CWC27: variants seen among roughly 807,000 people sequenced by gnomAD.
The protein encoded by CWC27 is spliceosome-associated protein CWC27 homolog.
A neutral mutation model predicts 63.6 loss-of-function variants in CWC27; 47 were observed. That is an observed-to-expected ratio of 0.74 (90% confidence interval 0.58 to 0.94). The LOEUF is 0.94. Among genes scored for constraint, CWC27 ranks in the 40% least tolerant of loss-of-function variants. The pLI is 0.00. For synonymous variants in CWC27, 175 were observed against 179.8 expected (o/e 0.97, Z 0.22); for missense variants, 495 against 554.3 (o/e 0.89, Z 1.07).
chr5:65,000,865 G>T (rs1044584813), intron 13 of CWC27, among the ~76,000 whole-genome samples: 3 of 152,062 alleles, frequency 2.0e-5, no homozygotes, highest in African/African-American at 7.2e-5. Flanking sequence ...TATGAAGAAT[G>T]TCATTGGTAT....
chr5:64,966,491 C>G lies in CWC27; in HGVS notation c.1043-5212C>G, dbSNP rs554801373. On this transcript the variant is annotated intron_variant, in intron 11 of 13. Transcript: ENST00000381070. Reference sequence around the variant, plus strand: ...ACAGTATTTTATTTAATCCTCACAACAGCAAGTGAGGTAGATATTATCATC... The same window carrying G: ...ACAGTATTTTATTTAATCCTCACAAGAGCAAGTGAGGTAGATATTATCATC... Among the ~76,000 whole-genome samples, 4 of 152,236 alleles carry G rather than the reference C, an allele frequency of 2.6e-5. No individual in the cohort carries two copies. In the East Asian group the frequency reaches 7.7e-4, roughly 29 times the overall value.
At chr5:64,889,242 G>A (rs1747162285) in intron 11 of CWC27, among the ~76,000 whole-genome samples, 2 of 152,116 alleles carry the variant, frequency 1.3e-5, no homozygotes, top group South Asian at 4.1e-4. Context: ...GTGGAAAATG[G>A]TGAAATTCTG....
chr5:64,871,873 A>C (rs1390247695), intron 10 of CWC27, among the ~76,000 whole-genome samples: 1 of 152,138 alleles, frequency 6.6e-6, no homozygotes, highest in Non-Finnish European at 1.5e-5. Context: ...AGCACTGTTT[A>C]TCTAATTGCT....
chr5:64,797,415 A>C (rs1744313937), intron 7 of CWC27, among the ~76,000 whole-genome samples: 1 of 152,128 alleles, frequency 6.6e-6, no homozygotes, highest in Non-Finnish European at 1.5e-5. Context: ...TGCAGGATTC[A>C]GAGTCTACTG....
Position 64,866,218 on chromosome 5 carries a change from G to A in CWC27, c.939-19225G>A, listed in dbSNP as rs76280600. Among the ~76,000 whole-genome samples, 787 of 152,060 alleles carry A rather than the reference G, an allele frequency of 5.2e-3. 9 individuals are homozygous for A. The highest frequency in any genetic ancestry group is 0.018 in the African/African-American group (739 of 41,516). Reference sequence around the variant, plus strand: ...CATACTTTGCTGATATGATTTGAACGTATGATTCAGAAACCAAAGCTGGTG... The same window carrying A: ...CATACTTTGCTGATATGATTTGAACATATGATTCAGAAACCAAAGCTGGTG... On this transcript the variant is annotated intron_variant, in intron 10 of 13. Transcript: ENST00000381070.
chr5:64,996,793 T>A (rs779366432), intron 13 of CWC27, among the ~76,000 whole-genome samples: 1 of 152,188 alleles, frequency 6.6e-6, no homozygotes, highest in African/African-American at 2.4e-5. Context: ...TCCTAGTTTA[T>A]ATGGGGAAAC....
intron 11 of CWC27, among the ~76,000 whole-genome samples, chr5:64,936,733 C>CT: frequency 1.3e-5 from 2 of 152,112 alleles, no homozygotes; most frequent in Admixed American, 6.5e-5. Context: ...TGGTCCTGGC[C>CT]TTTTTTTGGT....
chr5:64,905,388 C>A (rs1747611216), intron 11 of CWC27, among the ~76,000 whole-genome samples: 1 of 152,002 alleles, frequency 6.6e-6, no homozygotes, highest in Non-Finnish European at 1.5e-5. Flanking sequence ...CCATGCAGGG[C>A]CAGTTTCTTT....
At chr5:64,924,975 ACAC>A (rs1748077846) in intron 11 of CWC27, among the ~76,000 whole-genome samples, 2 of 152,028 alleles carry the variant, frequency 1.3e-5, no homozygotes, top group Non-Finnish European at 2.9e-5. Flanking sequence ...ACACACACAC[ACAC>A]ACACACACAC....
chr5:64,802,058 T>A (rs551411852), intron 9 of CWC27, among the ~76,000 whole-genome samples: 70 of 152,288 alleles, frequency 4.6e-4, no homozygotes, highest in African/African-American at 1.7e-3. Context: ...CTGGAAGAGA[T>A]GATGCTATTT....
rs548137800 is a variant in CWC27 at position 64,904,616 on chromosome 5, A to G, written c.1042+19070A>G. 2.5e-3 allele frequency among the ~76,000 whole-genome samples: 374 copies of G among 152,338 alleles called. 2 individuals are homozygous for G. The highest frequency in any genetic ancestry group is 3.1e-3 in the Non-Finnish European group (209 of 68,026). On this transcript the variant is annotated intron_variant, in intron 11 of 13. Coordinates refer to ENST00000381070, the MANE Select transcript of CWC27 (RefSeq NM_005869.4). ...AAAGCTACAATGCCTGCTATTAACT[A>G]TTCTGTAAAGTGACACATGTCACTA... is the stretch of plus-strand genomic sequence containing the variant.
At chr5:64,844,719 C>G (rs138060630) in intron 10 of CWC27, among the ~76,000 whole-genome samples, 1 of 152,328 alleles carries the variant, frequency 6.6e-6, no homozygotes, top group African/African-American at 2.4e-5. Context: ...GCCAATAAGC[C>G]ATTCCAGTGA....
chr5:64,885,837 G>T (rs1204288063), intron 11 of CWC27, among the ~76,000 whole-genome samples: 1 of 151,486 alleles, frequency 6.6e-6, no homozygotes, highest in East Asian at 1.9e-4. Flanking sequence ...TGTAACTATT[G>T]TTCTTAAGTA....
At chr5:64,860,601 G>T (rs1029118106) in intron 10 of CWC27, among the ~76,000 whole-genome samples, 7 of 152,172 alleles carry the variant, frequency 4.6e-5, no homozygotes, top group African/African-American at 1.4e-4. Context: ...ATTAGGATCA[G>T]CTCTACTTTT....
chr5:64,925,035 A>C (rs1178306743), intron 11 of CWC27, among the ~76,000 whole-genome samples: 1 of 152,128 alleles, frequency 6.6e-6, no homozygotes, highest in Non-Finnish European at 1.5e-5. Flanking sequence ...CATGGGCTTG[A>C]AGTCATCTAA....
intron 12 of CWC27, among the ~76,000 whole-genome samples, chr5:64,972,191 G>A (rs1342271507): frequency 1.3e-5 from 2 of 152,156 alleles, no homozygotes; most frequent in Non-Finnish European, 2.9e-5. Context: ...CTCGCATGCT[G>A]ACTAGCCAGC....
chr5:64,812,670 T>C (rs572639166), intron 10 of CWC27, among the ~76,000 whole-genome samples: 1 of 152,262 alleles, frequency 6.6e-6, no homozygotes, highest in South Asian at 2.1e-4. Flanking sequence ...TATTTTTTCC[T>C]AACCAATCAT....
At chr5:64,927,042 T>C (rs184250017) in intron 11 of CWC27, among the ~76,000 whole-genome samples, 1 of 152,358 alleles carries the variant, frequency 6.6e-6, no homozygotes, top group Non-Finnish European at 1.5e-5. Context: ...ATATTTCTAA[T>C]CCAGATTTAC....
At chr5:64,986,906 T>C (rs957795271) in intron 13 of CWC27, among the ~76,000 whole-genome samples, 6 of 152,132 alleles carry the variant, frequency 3.9e-5, no homozygotes. Flanking sequence ...CTGTAATACA[T>C]CTAAAAAAAA....
Sources: gnomAD v4.1 joint callset for allele counts (sites outside exome capture counted in the v4.1 genomes callset) on GRCh38, gnomAD v4.1.1 for gene constraint, MANE v1.5 for transcripts, NCBI Gene and HGNC (gene_info 2026-07-23, HGNC 2026-07-21) for gene names.